The following TET3 variants were observed in gnomAD, a reference collection of about 807,000 sequenced individuals.
TET3 encodes methylcytosine dioxygenase TET3.
A neutral mutation model predicts 141.4 loss-of-function variants in TET3; 19 were observed. The ratio of observed to expected loss-of-function variants is 0.13; its 90% CI spans 0.09 to 0.20. The LOEUF is 0.20. TET3 is among the 10% of genes least tolerant of loss of function. The pLI, the probability that TET3 is intolerant of heterozygous loss-of-function variation, is 1.00. For synonymous variants in TET3, 1,043 were observed against 980.9 expected (o/e 1.06, Z -1.18); for missense variants, 1,874 against 2,356.9 (o/e 0.80, Z 4.24).
intron 3 of TET3, among the ~76,000 whole-genome samples, chr2:74,007,319 C>G (rs558833187): frequency 1.3e-5 from 2 of 152,164 alleles, no homozygotes; most frequent in African/African-American, 2.4e-5. Context: ...CAAGGGACTT[C>G]GAAGGTTGAC....
At chr2:74,075,394 T>A (rs974817956) in intron 5 of TET3, among the ~76,000 whole-genome samples, 1 of 141,594 alleles carries the variant, frequency 7.1e-6, no homozygotes, top group Non-Finnish European at 1.5e-5. Context: ...AGTGGTGTGG[T>A]CTTGGCTCAC....
chr2:74,049,277 T>G (rs1573788301), intron 4 of TET3, among the ~76,000 whole-genome samples: 1 of 152,128 alleles, frequency 6.6e-6, no homozygotes. Flanking sequence ...ACATCTGAAG[T>G]GGCCAGAAGA....
At chr2:74,032,414 G>C (rs1051980772) in intron 3 of TET3, among the ~76,000 whole-genome samples, 2 of 151,964 alleles carry the variant, frequency 1.3e-5, no homozygotes, top group Admixed American at 1.3e-4. Flanking sequence ...CATGGGGCTT[G>C]GGCGATGGCC....
intron 3 of TET3, among the ~76,000 whole-genome samples, chr2:74,034,266 A>G (rs575765421): frequency 1.3e-5 from 2 of 149,866 alleles, no homozygotes; most frequent in South Asian, 4.2e-4. Flanking sequence ...TTTATGTATT[A>G]CTTGAACCAT....
At chr2:74,085,428 G>A (rs1558780366) in intron 6 of TET3, among the ~76,000 whole-genome samples, 2 of 152,156 alleles carry the variant, frequency 1.3e-5, no homozygotes, top group South Asian at 2.1e-4. Context: ...GGGTCTCCCA[G>A]CACGATCCAC....
At chr2:74,061,350 G>A (rs1688537409) in intron 4 of TET3, among the ~76,000 whole-genome samples, 1 of 137,824 alleles carries the variant, frequency 7.3e-6, no homozygotes, top group Non-Finnish European at 1.6e-5. Context: ...CCCGGACGGG[G>A]CGGCTGGCCG....
the TET3 span, among the ~76,000 whole-genome samples, chr2:74,124,056 C>T: frequency 7.3e-5 from 11 of 150,844 alleles, no homozygotes; most frequent in South Asian, 4.2e-4. Context: ...GGAGCCCCTC[C>T]GCCCGGCAGC....
chr2:74,067,816 T>A (rs1688993248), intron 4 of TET3, among the ~76,000 whole-genome samples: 1 of 152,244 alleles, frequency 6.6e-6, no homozygotes, highest in African/African-American at 2.4e-5. Context: ...CGAGTGGTTG[T>A]GTGGCAGAGC....
intron 10 of TET3, among the ~76,000 whole-genome samples, chr2:74,096,532 T>C (rs1032547876): frequency 1.0e-3 from 159 of 151,882 alleles, no homozygotes; most frequent in African/African-American, 3.7e-3. Context: ...TTTGGGAGGC[T>C]GAGATGGGTG....
chr2:74,050,831 C>T (rs532279848), intron 4 of TET3, among the ~76,000 whole-genome samples: 14 of 151,610 alleles, frequency 9.2e-5, no homozygotes, highest in South Asian at 4.2e-4. Context: ...GGATTATAGT[C>T]GTGAACCACT....
the TET3 span, among the ~76,000 whole-genome samples, chr2:74,118,731 AAC>A: frequency 2.6e-5 from 4 of 152,170 alleles, no homozygotes; most frequent in African/African-American, 9.7e-5. Flanking sequence ...ACATATATAT[AAC>A]ACATATATAT....
chr2:74,026,961 CA>C (rs1686399391), intron 3 of TET3, among the ~76,000 whole-genome samples: 1 of 152,238 alleles, frequency 6.6e-6, no homozygotes, highest in Non-Finnish European at 1.5e-5. Context: ...CTGTCCCCTG[CA>C]GTGACGTGGG....
intron 3 of TET3, among the ~76,000 whole-genome samples, chr2:74,031,738 A>G (rs534638332): frequency 1.3e-5 from 2 of 152,236 alleles, no homozygotes; most frequent in Non-Finnish European, 2.9e-5. Context: ...TTGGGTGGTC[A>G]CTTAAAGATT....
intron 6 of TET3, among the ~76,000 whole-genome samples, chr2:74,084,054 T>C (rs1355603072): frequency 2.6e-5 from 4 of 152,218 alleles, no homozygotes; most frequent in Non-Finnish European, 5.9e-5. Context: ...TTTAATACCG[T>C]GTTCAGGTGT....
In TET3 at chr2:74,026,707, C is replaced by T. The variant is rs1280582147; in HGVS notation, c.361-19571C>T. Among the ~76,000 whole-genome samples, 4 of 151,256 alleles carry T rather than the reference C, an allele frequency of 2.6e-5. No homozygotes were observed. In the East Asian group the frequency reaches 7.7e-4, roughly 29 times the overall value. ...CTTATTTTTATTTTATTGAATCGCT[C>T]GCAAACTTCCCCTCCAACTTTTTTT... On this transcript the variant is annotated intron_variant, in intron 3 of 11. Coordinates refer to ENST00000409262, the MANE Select transcript of TET3 (RefSeq NM_001287491.2).
At chr2:74,090,458 T>A (rs926429130) in intron 8 of TET3, among the ~76,000 whole-genome samples, 4 of 152,234 alleles carry the variant, frequency 2.6e-5, no homozygotes, top group African/African-American at 7.2e-5. Context: ...GGGCCTTTGC[T>A]GTACTTCCCA....
intron 3 of TET3, among the ~76,000 whole-genome samples, chr2:74,011,246 A>AAAAG (rs1553415420): frequency 6.6e-6 from 1 of 151,594 alleles, no homozygotes; most frequent in African/African-American, 2.4e-5. Flanking sequence ...AAAAAAAAAA[A>AAAAG]CACTTTAAAA....
chr2:74,048,323 T>C lies in TET3; in HGVS notation c.2406T>C (p.Pro802=). 4.3e-6 allele frequency: 7 copies of C among 1,613,758 alleles called. No individual in the cohort carries two copies. The highest frequency in any genetic ancestry group is 5.9e-6 in the Non-Finnish European group (7 of 1,179,842). ...CCCTCAGTGGCTTCTTGGAGTCACC[T>C]CTTAAGTACCTGGACACACCCACCA... is the stretch of plus-strand genomic sequence containing the variant. ...TPTLSGFLES[P]LKYLDTPTKS... Residue 802 remains proline, a synonymous_variant, in exon 4 of 12, where the codon CCT becomes CCC. Transcript: ENST00000409262.
rs749984044 is a variant in TET3, at chr2:74,046,707, C to T, written c.790C>T (p.Arg264Trp). Reference sequence around the variant, plus strand: ...ACTGCAGACGGCCCTGGCCCTCGCGCGGCATGGTATGAAACCACCCAACTG... The same window carrying T: ...ACTGCAGACGGCCCTGGCCCTCGCGTGGCATGGTATGAAACCACCCAACTG... ...DTLQTALALA[R>W]HGMKPPNCNC... is the part of the protein sequence containing the mutation. The change falls in exon 4 of 12, where the codon CGG (arginine) becomes TGG (tryptophan). Residue 264 changes from arginine (R) to tryptophan (W), a missense_variant. Transcript: ENST00000409262. This position sits in a 1 kb window ranked among gnomAD's most constrained non-coding sequence, Gnocchi z 4.3. 12 of 1,613,868 alleles carry T rather than the reference C, an allele frequency of 7.4e-6. No homozygotes were observed. The highest frequency in any genetic ancestry group is 2.7e-5 in the African/African-American group (2 of 74,920).
Sources: allele counts gnomAD v4.1 joint callset (sites outside exome capture counted in the v4.1 genomes callset), GRCh38; gene constraint gnomAD v4.1.1; non-coding constraint Gnocchi (gnomAD v3.1); transcripts MANE v1.5; gene names NCBI Gene and HGNC (gene_info 2026-07-23, HGNC 2026-07-21).